Variants in CAP2 observed in about 807,000 individuals in gnomAD.
The protein encoded by CAP2 is cyclase associated actin cytoskeleton regulatory protein 2, also known as adenylyl cyclase-associated protein 2.
In CAP2, 24 loss-of-function variants were observed where a neutral mutation model predicts 57.7. The observed-to-expected ratio is 0.42, with a 90% CI of 0.30 to 0.58. The LOEUF is 0.58. CAP2 is among the 20% of genes least tolerant of loss of function. CAP2 has a pLI of 0.22. For missense variants in CAP2, 501 were observed against 590.3 expected (o/e 0.85, Z 1.57); for synonymous variants, 194 against 207.2 (o/e 0.94, Z 0.55).
At position 17,472,195 on chromosome 6, in the gene CAP2, G is replaced by A. The variant is rs1209852340; in HGVS notation, c.300+9122G>A. Among the ~76,000 whole-genome samples, 7 of 79,380 alleles carry A rather than the reference G, an allele frequency of 8.8e-5. 2 individuals are homozygous for A. The highest frequency in any genetic ancestry group is 2.2e-4 in the African/African-American group (3 of 13,466). 52.1% of individuals were successfully genotyped at this position (79,380 alleles called of 152,430 possible). On this transcript the variant is annotated intron_variant, in intron 4 of 12. Transcript: ENST00000229922. Reference sequence around the variant, plus strand: ...TAAAAATACAAAAAATTAGCCGGGCGTAGTGGCGGGCGCCTGTAGTCCCAG... The same window carrying A: ...TAAAAATACAAAAAATTAGCCGGGCATAGTGGCGGGCGCCTGTAGTCCCAG...
At chr6:17,502,310 C>T (rs1383182737) in intron 4 of CAP2, among the ~76,000 whole-genome samples, 2 of 152,198 alleles carry the variant, frequency 1.3e-5, no homozygotes. Context: ...ACATCCCACA[C>T]AACCAGCTCC....
At chr6:17,499,220 G>A (rs1219191721) in intron 4 of CAP2, among the ~76,000 whole-genome samples, 1 of 150,820 alleles carries the variant, frequency 6.6e-6, no homozygotes, top group East Asian at 2.0e-4. Context: ...CCAACATGGT[G>A]AAACCCCGTC....
At chr6:17,416,640 C>T (rs891328498) in intron 1 of CAP2, among the ~76,000 whole-genome samples, 16 of 151,960 alleles carry the variant, frequency 1.1e-4, no homozygotes, top group African/African-American at 3.9e-4. Flanking sequence ...AAATAATACA[C>T]AGAGATAGAG....
intron 11 of CAP2, among the ~76,000 whole-genome samples, chr6:17,544,612 G>A (rs1262237795): frequency 2.6e-5 from 4 of 151,528 alleles, no homozygotes; most frequent in Non-Finnish European, 2.9e-5. Context: ...CAGGCCAGGC[G>A]CAATCTCGGC....
At chr6:17,479,070 G>A (rs141474397) in intron 4 of CAP2, among the ~76,000 whole-genome samples, 37 of 152,158 alleles carry the variant, frequency 2.4e-4, no homozygotes, top group South Asian at 6.2e-4. Context: ...AGTTTCATCC[G>A]TTCCCATGGT....
chr6:17,500,776 A>G (rs1185728542), intron 4 of CAP2, among the ~76,000 whole-genome samples: 1 of 152,240 alleles, frequency 6.6e-6, no homozygotes, highest in Non-Finnish European at 1.5e-5. Context: ...AGATAAGCCA[A>G]TAAAATTAAA....
intron 3 of CAP2, among the ~76,000 whole-genome samples, chr6:17,437,942 A>G (rs1303468894): frequency 6.6e-6 from 1 of 152,216 alleles, no homozygotes. Context: ...TTTAGTCCAT[A>G]GGCGGGAGCA....
At position 17,556,695 on chromosome 6, in the gene CAP2, G is replaced by GAA; in HGVS notation, c.*263_*264dup. ...ACTTGTGAACATTAGGGATTTAAAG[G>GAA]AAAAAAAAAAAGAATTCTGTTCCCC... is the stretch of plus-strand genomic sequence containing the variant. On this transcript the variant is annotated 3_prime_UTR_variant, in exon 13 of 13. Transcript: ENST00000229922. The GAA allele has an allele frequency of 7.9e-5, 28 of 354,854 alleles. No individual in the cohort carries two copies. The highest frequency in any genetic ancestry group is 2.5e-4 in the South Asian group (4 of 15,888). The allele number at this position is 354,854 out of a possible 1,614,324, so 22.0% of individuals were successfully genotyped here. A position where few individuals can be genotyped will look rare whatever the true frequency, so the allele number is the denominator to read the frequency against.
rs139692883 is a variant in CAP2, at chr6:17,541,101, C to G, written c.955C>G (p.Gln319Glu). 1.9e-6 allele frequency: 3 copies of G among 1,613,812 alleles called. No homozygotes were observed. The highest frequency in any genetic ancestry group is 2.5e-6 in the Non-Finnish European group (3 of 1,179,906). The change falls in exon 9 of 13, where the codon CAA (glutamine) becomes GAA (glutamate). Residue 319 changes from glutamine (Q) to glutamate (E), a missense_variant. Physicochemically the swap from Gln to Glu is conservative, Grantham distance 29 (BLOSUM62 2). Transcript: ENST00000229922. ...CACATCTCCTAAATCTTATCCTTCT[C>G]AAAAACATGCCCCAGTGTTGGAGTT... is the stretch of plus-strand genomic sequence containing the variant. The part of the protein sequence containing the change: ...SPTSPKSYPS[Q>E]KHAPVLELEG...
intron 11 of CAP2, among the ~76,000 whole-genome samples, chr6:17,545,173 A>G (rs571721977): frequency 6.6e-6 from 1 of 152,366 alleles, no homozygotes; most frequent in East Asian, 1.9e-4. Flanking sequence ...TCATGCAATC[A>G]TAGTGTGTCA....
chr6:17,448,741 A>C (rs573060526), intron 3 of CAP2, among the ~76,000 whole-genome samples: 1 of 150,940 alleles, frequency 6.6e-6, no homozygotes, highest in African/African-American at 2.4e-5. Flanking sequence ...GTCTCTTTCC[A>C]TGTCAATGAG....
intron 7 of CAP2, among the ~76,000 whole-genome samples, chr6:17,529,780 C>T (rs571297192): frequency 6.6e-6 from 1 of 151,810 alleles, no homozygotes; most frequent in African/African-American, 2.4e-5. Flanking sequence ...TAATCACTCC[C>T]TCCTATTATG....
intron 4 of CAP2, among the ~76,000 whole-genome samples, chr6:17,477,471 G>C (rs994261497): frequency 2.6e-5 from 4 of 152,156 alleles, no homozygotes; most frequent in African/African-American, 9.7e-5. Flanking sequence ...AAACCAGCCA[G>C]ACCCCAGATA....
intron 3 of CAP2, among the ~76,000 whole-genome samples, chr6:17,452,251 C>T (rs150707098): frequency 7.9e-5 from 12 of 152,318 alleles, no homozygotes; most frequent in African/African-American, 2.9e-4. Context: ...TCAGATTCAA[C>T]CACAAATAGC....
At chr6:17,512,196 C>T (rs914959439) in intron 6 of CAP2, among the ~76,000 whole-genome samples, 6 of 152,048 alleles carry the variant, frequency 3.9e-5, no homozygotes, top group Admixed American at 1.3e-4. Context: ...TCGAGACCAG[C>T]CTGGGCAACA....
intron 4 of CAP2, among the ~76,000 whole-genome samples, chr6:17,499,398 CAAAAAAAAAAAAA>C (rs71002217): frequency 1.4e-5 from 1 of 69,566 alleles, no homozygotes; most frequent in South Asian, 6.0e-4. Flanking sequence ...GACTCCATCT[CAAAAAAAAAAAAA>C]AAAAAAAAAT....
chr6:17,440,610 GT>G, intron 3 of CAP2, among the ~76,000 whole-genome samples: 1 of 73,392 alleles, frequency 1.4e-5, no homozygotes, highest in Non-Finnish European at 2.8e-5. Context: ...AACAAACTGT[GT>G]GTGGTGTGTG....
chr6:17,454,924 A>G (rs1760514778), intron 3 of CAP2, among the ~76,000 whole-genome samples: 1 of 152,128 alleles, frequency 6.6e-6, no homozygotes. Context: ...TCATCCCGTC[A>G]CTTAAAAAAA....
chr6:17,497,916 A>C (rs767079650), intron 4 of CAP2, among the ~76,000 whole-genome samples: 2 of 152,232 alleles, frequency 1.3e-5, no homozygotes, highest in Non-Finnish European at 1.5e-5. Flanking sequence ...TGGTCTCCCA[A>C]GCCCTGGTGT....
Sources: allele counts gnomAD v4.1 joint callset (sites outside exome capture counted in the v4.1 genomes callset), GRCh38; gene constraint gnomAD v4.1.1; transcripts MANE v1.5; gene names NCBI Gene and HGNC (gene_info 2026-07-23, HGNC 2026-07-21).